The following CNTNAP4 variants were observed in gnomAD, a reference collection of about 807,000 sequenced individuals.
The protein encoded by CNTNAP4 is contactin-associated protein-like 4.
Under a neutral mutation model 148.4 loss-of-function variants are expected in CNTNAP4, and 98 were observed. That is an observed-to-expected ratio of 0.66 (90% CI 0.56 to 0.78). CNTNAP4 has a LOEUF of 0.78. CNTNAP4 is among the 30% of genes least tolerant of loss of function. CNTNAP4 has a pLI of 0.00. For synonymous variants in CNTNAP4, 730 were observed against 565.1 expected (o/e 1.29, Z -4.14); for missense variants, 1,935 against 1,565.6 (o/e 1.24, Z -3.98).
rs747161050 is a variant in CNTNAP4, at chr16:76,538,162, T to C, written c.3042T>C (p.Phe1014=). Residue 1014 remains phenylalanine (F), a synonymous_variant, in exon 19 of 24, where the codon TTT becomes TTC. Transcript: ENST00000611870. ...CTGGCTCATCCGTGATATACAATTTTCAAGAAAATTATCTTTTAAGTAAAA... is the reference window on the plus strand; with the variant it reads ...CTGGCTCATCCGTGATATACAATTTCCAAGAAAATTATCTTTTAAGTAAAA... ...FGSGSSVIYN[F]QENYLLSKNS... 3 of 1,595,236 alleles carry C rather than the reference T, an allele frequency of 1.9e-6. No individual in the cohort carries two copies. Among genetic ancestry groups the C allele is most frequent in the East Asian group, 2.3e-5 (1 of 44,168 alleles).
chr16:76,489,540 T>G, intron 12 of CNTNAP4, 146 bp from the exon 13 acceptor site: 1 of 425,560 alleles, frequency 2.3e-6, no homozygotes, highest in Non-Finnish European at 4.1e-6. Flanking sequence ...CGAGAATCCA[T>G]TTGTGTTGAT....
chr16:76,475,915 G>A (rs1293828814), intron 10 of CNTNAP4, 24 bp from the exon 11 acceptor site: 2 of 1,548,882 alleles, frequency 1.3e-6, no homozygotes, highest in Non-Finnish European at 1.8e-6. Flanking sequence ...GGAAACTGGT[G>A]ATTGTATCTG....
chr16:76,339,602 C>T (rs1018952773), intron 2 of CNTNAP4, among the ~76,000 whole-genome samples: 2 of 152,148 alleles, frequency 1.3e-5, no homozygotes, highest in African/African-American at 4.8e-5. Context: ...GAAATGTCGC[C>T]TTTGCTCATT....
intron 12 of CNTNAP4, among the ~76,000 whole-genome samples, chr16:76,487,620 C>T (rs990503011): frequency 6.6e-6 from 1 of 152,136 alleles, no homozygotes; most frequent in African/African-American, 2.4e-5. Context: ...ATCTCCGTTG[C>T]TCAAAATCTA....
intron 1 of CNTNAP4, among the ~76,000 whole-genome samples, chr16:76,299,146 A>G (rs1959657336): frequency 6.6e-6 from 1 of 152,216 alleles, no homozygotes; most frequent in South Asian, 2.1e-4. Flanking sequence ...GAATTGACAA[A>G]TGGGATCTAA....
At chr16:76,540,833 G>T in intron 21 of CNTNAP4, 43 bp downstream of exon 21, 2 of 1,340,478 alleles carry the variant, frequency 1.5e-6, no homozygotes, top group South Asian at 2.5e-5. Context: ...TGCTAATCAT[G>T]ATACATAAGC....
intron 22 of CNTNAP4, 126 bp downstream of exon 22, chr16:76,553,627 G>A: frequency 2.7e-6 from 2 of 734,738 alleles, no homozygotes; most frequent in Non-Finnish European, 2.2e-6. Flanking sequence ...TGTTTGTTTA[G>A]CTTTTAGTTC....
chr16:76,475,835 A>G lies in CNTNAP4; in HGVS notation c.1656-104A>G, dbSNP rs8049440. On this transcript the variant is annotated intron_variant, in intron 10 of 23. Coordinates refer to ENST00000611870, the MANE Select transcript of CNTNAP4 (RefSeq NM_033401.5). ...ACAGACTGAAGCATCATTAGTCATTATGTTATAGTTGACATCTGTCTTTCT... is the reference window on the plus strand; with the variant it reads ...ACAGACTGAAGCATCATTAGTCATTGTGTTATAGTTGACATCTGTCTTTCT... 2.5e-3 allele frequency: 1,722 copies of G among 701,824 alleles called. 15 individuals carry two copies. The African/African-American group carries it at 0.025, about 10-fold the overall frequency. The allele number at this position is 701,824 out of a possible 1,614,324, so 43.5% of individuals were successfully genotyped here.
intron 1 of CNTNAP4, among the ~76,000 whole-genome samples, chr16:76,309,079 A>C (rs1413688663): frequency 1.3e-5 from 2 of 151,820 alleles, no homozygotes; most frequent in Admixed American, 1.3e-4. Flanking sequence ...TGCTGGGATT[A>C]CAAGCATGAG....
intron 3 of CNTNAP4, among the ~76,000 whole-genome samples, chr16:76,393,301 C>A (rs4516260): frequency 6.6e-6 from 1 of 152,010 alleles, no homozygotes; most frequent in Non-Finnish European, 1.5e-5. Context: ...TGGCATTAAT[C>A]ATATCCCAAG....
At chr16:76,289,161 A>G (rs1234967729) in intron 1 of CNTNAP4, among the ~76,000 whole-genome samples, 4 of 152,182 alleles carry the variant, frequency 2.6e-5, no homozygotes, top group African/African-American at 7.2e-5. Flanking sequence ...CAAAAGATAC[A>G]TCATGAGTAT....
rs897777796 is a variant in CNTNAP4 at position 76,384,591 on chromosome 16, A to G, written c.390+29080A>G. Among the ~76,000 whole-genome samples the G allele has an allele frequency of 1.4e-4, 21 of 152,116 alleles. No individual in the cohort carries two copies. The South Asian group carries it at 1.5e-3, about 11-fold the overall frequency. ...CTTGGAGAGTGTGGGATGGAGAGGC[A>G]CTGATGAGTTGATTAATCTCCTTGG... On this transcript the variant is annotated intron_variant, in intron 3 of 23. Coordinates refer to ENST00000611870, the MANE Select transcript of CNTNAP4 (RefSeq NM_033401.5).
chr16:76,486,558 C>CA (rs930546144), intron 12 of CNTNAP4, among the ~76,000 whole-genome samples: 55 of 141,384 alleles, frequency 3.9e-4, no homozygotes, highest in Middle Eastern at 3.6e-3. Context: ...TAGACAAAGA[C>CA]AAAAAAAAAA....
chr16:76,301,308 T>C (rs1407822904), intron 1 of CNTNAP4, among the ~76,000 whole-genome samples: 3 of 152,210 alleles, frequency 2.0e-5, no homozygotes, highest in Non-Finnish European at 2.9e-5. Context: ...TTTCAACTGA[T>C]GATTTTAAGT....
At chr16:76,510,455 G>T (rs1377284783) in intron 15 of CNTNAP4, among the ~76,000 whole-genome samples, 1 of 142,338 alleles carries the variant, frequency 7.0e-6, no homozygotes, top group Non-Finnish European at 1.6e-5. Flanking sequence ...GGCTTCTGTG[G>T]ACATCCATGT....
intron 3 of CNTNAP4, among the ~76,000 whole-genome samples, chr16:76,401,071 G>A (rs1030118865): frequency 2.6e-5 from 4 of 152,100 alleles, no homozygotes; most frequent in Non-Finnish European, 5.9e-5. Context: ...CTACTTCTGT[G>A]AAGAATGTCA....
At chr16:76,428,137 C>T (rs890425608) in intron 4 of CNTNAP4, among the ~76,000 whole-genome samples, 1 of 152,096 alleles carries the variant, frequency 6.6e-6, no homozygotes, top group South Asian at 2.1e-4. Flanking sequence ...AATACTTTCA[C>T]ATAAAAAAGA....
chr16:76,487,423 A>G (rs1247934823), intron 12 of CNTNAP4, among the ~76,000 whole-genome samples: 1 of 152,226 alleles, frequency 6.6e-6, no homozygotes, highest in East Asian at 1.9e-4. Context: ...ACCACAAAGT[A>G]TTGAATTACA....
At chr16:76,504,378 G>A (rs79065829) in intron 15 of CNTNAP4, among the ~76,000 whole-genome samples, 12,966 of 150,698 alleles carry the variant, frequency 0.086, 766 homozygotes, top group Non-Finnish European at 0.13. Context: ...AACAGATCTG[G>A]AACAATTCGA....
Sources: gnomAD v4.1 joint callset for allele counts (sites outside exome capture counted in the v4.1 genomes callset) on GRCh38, gnomAD v4.1.1 for gene constraint, MANE v1.5 for transcripts, NCBI Gene and HGNC (gene_info 2026-07-23, HGNC 2026-07-21) for gene names.